STAM2: variants seen among roughly 807,000 people sequenced by gnomAD.
STAM2 encodes signal transducing adapter molecule 2.
A neutral mutation model predicts 65.6 loss-of-function variants in STAM2; 51 were observed. The ratio of observed to expected loss-of-function variants is 0.78; its 90% CI spans 0.62 to 0.98. The LOEUF is 0.98. Among genes scored for constraint, STAM2 ranks in the 50% least tolerant of loss-of-function variants. The pLI is 0.00. For missense variants in STAM2, 584 were observed against 617.8 expected, an observed-to-expected ratio of 0.95 and a Z score of 0.58; for synonymous variants, 198 against 208.4, an observed-to-expected ratio of 0.95 and a Z score of 0.43.
chr2:152,142,204 C>T (rs1301155354), intron 7 of STAM2, among the ~76,000 whole-genome samples: 1 of 152,144 alleles, frequency 6.6e-6, no homozygotes, highest in African/African-American at 2.4e-5. Context: ...CCATCACATT[C>T]ATGTTGAATT....
intron 13 of STAM2, among the ~76,000 whole-genome samples, chr2:152,121,380 A>G (rs1284621185): frequency 6.6e-6 from 1 of 152,196 alleles, no homozygotes; most frequent in Non-Finnish European, 1.5e-5. Flanking sequence ...ATCTCTAACT[A>G]AAAACATTCA....
At position 152,134,892 on chromosome 2, in the gene STAM2, T is replaced by C. The variant is rs1014309713; in HGVS notation, c.799+617A>G. 4.6e-5 allele frequency among the ~76,000 whole-genome samples: 7 copies of C among 152,134 alleles called. No individual in the cohort carries two copies. The East Asian group carries it at 7.7e-4, about 17-fold the overall frequency. On this transcript the variant is annotated intron_variant, in intron 8 of 13. Transcript: ENST00000263904. The stretch of plus-strand genomic sequence containing the variant: ...CCCACCTCCCTACCTGAATAACAAA[T>C]GGAATGCTTTCTCAGCATGGTTGAC...
intron 7 of STAM2, among the ~76,000 whole-genome samples, chr2:152,141,236 T>C (rs1689241131): frequency 6.9e-6 from 1 of 145,394 alleles, no homozygotes; most frequent in Non-Finnish European, 1.5e-5. Flanking sequence ...ACTCCATTAA[T>C]AAAAAATGTG....
At chr2:152,160,002 A>T (rs1689631882) in intron 1 of STAM2, among the ~76,000 whole-genome samples, 1 of 152,222 alleles carries the variant, frequency 6.6e-6, no homozygotes, top group South Asian at 2.1e-4. Flanking sequence ...AGGTGCCAGG[A>T]TTGCAGACGG....
Position 152,120,804 on chromosome 2 carries a change from T to C in STAM2, c.1350-2A>G. The C allele has an allele frequency of 6.2e-7, 1 of 1,611,854 alleles. No individual in the cohort carries two copies. The highest frequency in any genetic ancestry group is 1.1e-5 in the South Asian group (1 of 91,028). ...TTGGAAACAGTGTCTTGTCCAGTGC[T>C]ACAAACAAAATTTTAAAAAGAAAAC... On this transcript the variant is annotated splice_acceptor_variant, in intron 13 of 13. Coordinates refer to ENST00000263904, the MANE Select transcript of STAM2 (RefSeq NM_005843.6). LOFTEE classifies it high-confidence loss of function.
At chr2:152,164,067 G>C (rs1213351695) in intron 1 of STAM2, among the ~76,000 whole-genome samples, 1 of 152,060 alleles carries the variant, frequency 6.6e-6, no homozygotes, top group Non-Finnish European at 1.5e-5. Flanking sequence ...CTCCCCTTTT[G>C]AAATCCTTAA....
chr2:152,124,160 A>T lies in STAM2; in HGVS notation c.1180-225T>A, dbSNP rs1579310052. ...TGGCTGTTCTTTTATTTTTACAGAG[A>T]GCTGGGAGAAAGACAGGTGGTGTAC... is the stretch of plus-strand genomic sequence containing the variant. On this transcript the variant is annotated intron_variant, in intron 12 of 13. Coordinates refer to ENST00000263904, the MANE Select transcript of STAM2 (RefSeq NM_005843.6). 3 of 491,766 alleles carry T rather than the reference A, an allele frequency of 6.1e-6. No individual in the cohort carries two copies. The East Asian group carries it at 1.1e-4, about 17-fold the overall frequency. 30.5% of individuals were successfully genotyped at this position (491,766 alleles called of 1,614,324 possible). A position where few individuals can be genotyped will look rare whatever the true frequency, so the allele number is the denominator to read the frequency against.
intron 1 of STAM2, among the ~76,000 whole-genome samples, chr2:152,170,532 A>AT (rs1220038778): frequency 6.6e-6 from 1 of 151,968 alleles, no homozygotes; most frequent in African/African-American, 2.4e-5. Flanking sequence ...GAAAACATAG[A>AT]TAAAAACTTT....
rs1485083952 is a variant in STAM2 at position 152,119,854 on chromosome 2, G to A, written c.*720C>T. On this transcript the variant is annotated 3_prime_UTR_variant, in exon 14 of 14. Transcript: ENST00000263904. ...CTTTATCACACATCTGCATTTACAA[G>A]GTCTTCACTGTTAATCACAGAAAAC... 1 of 152,202 alleles carries A rather than the reference G, an allele frequency of 6.6e-6. No homozygotes were observed. Among genetic ancestry groups the A allele is most frequent in the Non-Finnish European group, 1.5e-5 (1 of 68,026 alleles). The allele number at this position is 152,202 out of a possible 1,614,324, so 9.4% of individuals were successfully genotyped here.
intron 1 of STAM2, 137 bp downstream of exon 1, chr2:152,175,466 G>A: frequency 8.7e-7 from 1 of 1,146,538 alleles, no homozygotes; most frequent in Non-Finnish European, 1.3e-6. Context: ...CAACGTCGAA[G>A]GAGCGGGCGG....
chr2:152,139,506 T>C (rs1244216617), intron 7 of STAM2, among the ~76,000 whole-genome samples: 1 of 152,202 alleles, frequency 6.6e-6, no homozygotes, highest in African/African-American at 2.4e-5. Context: ...TAGCGTGCTA[T>C]GCTCACGCCT....
intron 1 of STAM2, among the ~76,000 whole-genome samples, chr2:152,154,865 C>T (rs1000940255): frequency 2.6e-5 from 4 of 152,112 alleles, no homozygotes; most frequent in Admixed American, 2.6e-4. Context: ...CACAAAGTCC[C>T]AAAACAAGCT....
chr2:152,122,682 T>G (rs1304572070), intron 13 of STAM2, among the ~76,000 whole-genome samples: 2 of 152,170 alleles, frequency 1.3e-5, no homozygotes, highest in Non-Finnish European at 2.9e-5. Context: ...CATATGATTA[T>G]ATTGAATGAA....
rs755413929 is a variant in STAM2 at position 152,147,307 on chromosome 2, G to A, written c.302C>T (p.Ala101Val). Residue 101 changes from alanine (A) to valine (V), a missense_variant and splice_region_variant, in exon 5 of 14, where the codon GCA becomes GTA. Ala to Val is a moderately conservative substitution (Grantham distance 64, BLOSUM62 0). Transcript: ENST00000263904. ...TEVRAVIKNK[A>V]HPKVCEKLKS... ...CAGTTTTTCACATACTTTAGGATGT[G>A]CCTTTTAAGGAAAAGGAAAGGAAAA... The A allele has an allele frequency of 2.7e-5, 41 of 1,530,984 alleles. No individual in the cohort carries two copies. The Middle Eastern group carries it at 6.9e-4, about 26-fold the overall frequency. 94.8% of individuals were successfully genotyped at this position (1,530,984 alleles called of 1,614,324 possible). A position where few individuals can be genotyped will look rare whatever the true frequency, so the allele number is the denominator to read the frequency against.
At chr2:152,144,141 C>A in intron 6 of STAM2, 128 bp from the exon 7 acceptor site, 9 of 539,376 alleles carry the variant, frequency 1.7e-5, no homozygotes, top group Non-Finnish European at 2.2e-5. Flanking sequence ...CTACAGTTAA[C>A]TTTCGGGAGG....
In STAM2 at chr2:152,158,789, T is replaced by C. The variant is rs191519190; in HGVS notation, c.41-8560A>G. ...AGGGCCTTCTTACTGTGTCCTTACA[T>C]GGCAGAAGGTAGAAGGACAAGGGAG... On this transcript the variant is annotated intron_variant, in intron 1 of 13. Transcript: ENST00000263904. Among the ~76,000 whole-genome samples, 101 of 152,158 alleles carry C rather than the reference T, an allele frequency of 6.6e-4. 2 individuals carry two copies. The East Asian group carries it at 0.017, about 25-fold the overall frequency.
intron 1 of STAM2, among the ~76,000 whole-genome samples, chr2:152,171,995 C>G (rs1689906043): frequency 6.6e-6 from 1 of 152,168 alleles, no homozygotes; most frequent in Admixed American, 6.5e-5. Context: ...TTAACACTAA[C>G]CACTGTGGCC....
At chr2:152,135,176 C>T (rs1689131430) in intron 8 of STAM2, among the ~76,000 whole-genome samples, 1 of 152,192 alleles carries the variant, frequency 6.6e-6, no homozygotes, top group African/African-American at 2.4e-5. Context: ...TGAATCAAAA[C>T]ACTCTTTGTA....
At chr2:152,146,292 C>CT in intron 5 of STAM2, among the ~76,000 whole-genome samples, 1 of 136,884 alleles carries the variant, frequency 7.3e-6, no homozygotes, top group South Asian at 2.3e-4. Flanking sequence ...AAAAAAAAAT[C>CT]TTTTTTTCTC....
Sources: gnomAD v4.1 joint callset for allele counts (sites outside exome capture counted in the v4.1 genomes callset) on GRCh38, gnomAD v4.1.1 for gene constraint, MANE v1.5 for transcripts, NCBI Gene and HGNC (gene_info 2026-07-23, HGNC 2026-07-21) for gene names.